Variants in COL6A5 observed in about 807,000 individuals in gnomAD.
COL6A5 encodes collagen alpha-5(VI) chain.
COL6A5 carries 48 observed loss-of-function variants against 65.6 expected under a neutral mutation model. The observed-to-expected ratio is 0.73, with a 90% CI of 0.58 to 0.93. COL6A5 has a LOEUF of 0.93. Among genes scored for constraint, COL6A5 ranks in the 40% least tolerant of loss-of-function variants. The pLI is 0.00. For missense variants in COL6A5, 914 were observed against 928.3 expected (o/e 0.98, Z 0.20); for synonymous variants, 291 against 322.8 (o/e 0.90, Z 1.05).
At chr3:130,371,745 T>C (rs905575461) in intron 1 of COL6A5, among the ~76,000 whole-genome samples, 3 of 152,106 alleles carry the variant, frequency 2.0e-5, no homozygotes, top group South Asian at 2.1e-4. Flanking sequence ...TACAAGTAAC[T>C]CTTCATGACT....
At chr3:130,426,145 G>T in intron 29 of COL6A5, 69 bp from the exon 30 acceptor site, 1 of 1,454,756 alleles carries the variant, frequency 6.9e-7, no homozygotes, top group Non-Finnish European at 9.4e-7. Flanking sequence ...GTTTTGTCTT[G>T]TTTTATTACT....
intron 4 of COL6A5, among the ~76,000 whole-genome samples, chr3:130,446,533 G>T (rs1022037161): frequency 6.6e-6 from 1 of 152,124 alleles, no homozygotes; most frequent in African/African-American, 2.4e-5. Context: ...GGAGAAGTGG[G>T]ATTAGTTAGA....
At chr3:130,379,310 A>C (rs1935903251) in intron 3 of COL6A5, 108 bp from the exon 4 acceptor site, 2 of 1,033,150 alleles carry the variant, frequency 1.9e-6, no homozygotes, top group African/African-American at 3.3e-5. Flanking sequence ...GTCTACATCC[A>C]TCATGACTAC....
chr3:130,413,371 G>A (rs974610855), intron 20 of COL6A5, among the ~76,000 whole-genome samples, 174 bp from the exon 21 acceptor site: 6 of 151,838 alleles, frequency 4.0e-5, no homozygotes, highest in African/African-American at 1.4e-4. Flanking sequence ...CCAAATGTTA[G>A]TCTCTAATTA....
At position 130,419,792 on chromosome 3, in the gene COL6A5, A is replaced by G. The variant is rs534137024; in HGVS notation, c.4950+861A>G. Among the ~76,000 whole-genome samples the G allele has an allele frequency of 3.3e-5, 5 of 152,204 alleles. No homozygotes were observed. In the South Asian group the frequency reaches 1.0e-3, roughly 32 times the overall value. On this transcript the variant is annotated intron_variant and NMD_transcript_variant, in intron 25 of 41. Coordinates refer to the COL6A5 transcript ENST00000312481. ...TAGGGAGATGTTGGTCAAAGTATAC[A>G]AAATTTCAATTAGAAAGAAGTAATA...
intron 4 of COL6A5, 108 bp downstream of exon 4, chr3:130,380,158 G>A: frequency 2.3e-6 from 2 of 863,230 alleles, no homozygotes; most frequent in South Asian, 4.5e-5. Context: ...ACTTTCAGGA[G>A]TTGTGGGAAT....
At chr3:130,477,246 C>T (rs1180176420) in intron 7 of COL6A5, 11 of 580,946 alleles carry the variant, frequency 1.9e-5, no homozygotes, top group Non-Finnish European at 2.7e-5. Flanking sequence ...ACACACTATG[C>T]GTGGAATATA....
chr3:130,361,103 C>G (rs1227091755), intron 1 of COL6A5, among the ~76,000 whole-genome samples: 1 of 152,002 alleles, frequency 6.6e-6, no homozygotes, highest in African/African-American at 2.4e-5. Context: ...CATTATCATC[C>G]AAAGTCCAAA....
exon 7 of COL6A5, chr3:130,391,696 CA>C (rs1476187507): frequency 6.4e-7 from 1 of 1,551,470 alleles, no homozygotes. Flanking sequence ...ATAATTTTGA[CA>C]AACTGAAAGA....
chr3:130,354,833 A>G (rs1934864917), intron 1 of COL6A5, among the ~76,000 whole-genome samples: 1 of 152,194 alleles, frequency 6.6e-6, no homozygotes, highest in Non-Finnish European at 1.5e-5. Context: ...TGTGCTATCC[A>G]GTATGGTAGC....
chr3:130,400,131 G>A (rs892635111), intron 10 of COL6A5, among the ~76,000 whole-genome samples: 3 of 151,966 alleles, frequency 2.0e-5, no homozygotes, highest in African/African-American at 4.8e-5. Flanking sequence ...TTACCTCCCC[G>A]GGTACTCTCT....
At chr3:130,421,347 A>G (rs1195350834) in exon 27 of COL6A5, 5 of 1,550,624 alleles carry the variant, frequency 3.2e-6, no homozygotes, top group Non-Finnish European at 4.4e-6. Context: ...TTCCCTGGAG[A>G]TGCGGGGCAG....
At chr3:130,354,636 A>G (rs1934856202) in intron 1 of COL6A5, among the ~76,000 whole-genome samples, 1 of 152,142 alleles carries the variant, frequency 6.6e-6, no homozygotes, top group South Asian at 2.1e-4. Context: ...CCACTTCCTA[A>G]AAGAGTCACT....
chr3:130,405,805 G>A, intron 14 of COL6A5, 146 bp downstream of exon 14: 2 of 899,262 alleles, frequency 2.2e-6, no homozygotes. Context: ...TTTCCTGTCT[G>A]CAGACTAATT....
chr3:130,370,382 A>G (rs963316116), intron 1 of COL6A5, among the ~76,000 whole-genome samples: 1 of 152,190 alleles, frequency 6.6e-6, no homozygotes, highest in South Asian at 2.1e-4. Context: ...AGAGTCATAG[A>G]AAGAGTGGCT....
chr3:130,470,396 T>C (rs1369277334), intron 6 of COL6A5, among the ~76,000 whole-genome samples: 1 of 152,050 alleles, frequency 6.6e-6, no homozygotes, highest in Non-Finnish European at 1.5e-5. Context: ...CTTACACAGT[T>C]CGCAGGAATC....
At chr3:130,443,861 T>G (rs1709243808) in intron 4 of COL6A5, among the ~76,000 whole-genome samples, 1 of 152,114 alleles carries the variant, frequency 6.6e-6, no homozygotes, top group Non-Finnish European at 1.5e-5. Context: ...CACCTCAACC[T>G]CACTTCTCAT....
At chr3:130,380,444 C>G (rs1187314687) in intron 4 of COL6A5, among the ~76,000 whole-genome samples, 2 of 152,064 alleles carry the variant, frequency 1.3e-5, no homozygotes, top group African/African-American at 4.8e-5. Flanking sequence ...CCTCCCTTCT[C>G]TCATCCCTCA....
intron 7 of COL6A5, among the ~76,000 whole-genome samples, chr3:130,478,083 T>A (rs1463836417): frequency 6.6e-6 from 1 of 152,104 alleles, no homozygotes; most frequent in Non-Finnish European, 1.5e-5. Flanking sequence ...GCATGTCACA[T>A]TGCCTCTCTG....
Sources: allele counts gnomAD v4.1 joint callset (sites outside exome capture counted in the v4.1 genomes callset), GRCh38; gene constraint gnomAD v4.1.1; transcripts MANE v1.5; gene names NCBI Gene and HGNC (gene_info 2026-07-23, HGNC 2026-07-21).